The following NAA11 variants were observed in gnomAD, a reference collection of about 807,000 sequenced individuals.
NAA11 encodes the protein N-alpha-acetyltransferase 11.
Under a neutral mutation model 16.1 loss-of-function variants are expected in NAA11, and 15 were observed. That is an observed-to-expected ratio of 0.93 (90% CI 0.62 to 1.44). NAA11 has a LOEUF of 1.44. Among genes scored for constraint, NAA11 ranks in the 40% most tolerant of loss-of-function variants. The probability of loss-of-function intolerance (pLI) is 0.00; values close to 1 mark genes in which losing one functional copy is unlikely to be tolerated. For missense variants in NAA11, 298 were observed against 291.3 expected (o/e 1.02, Z -0.17); for synonymous variants, 122 against 112.4 (o/e 1.09, Z -0.54).
intron 2 of NAA11, among the ~76,000 whole-genome samples, chr4:79,235,184 GCTGA>G (rs1721546583): frequency 6.6e-6 from 1 of 152,040 alleles, no homozygotes; most frequent in African/African-American, 2.4e-5. Flanking sequence ...CTAAACACTT[GCTGA>G]CTGTCAAAAA....
At chr4:79,164,804 T>G in the NAA11 span, among the ~76,000 whole-genome samples, 1 of 152,070 alleles carries the variant, frequency 6.6e-6, no homozygotes, top group Non-Finnish European at 1.5e-5. Context: ...AGGGAAAGAG[T>G]ATAATGTGTG....
the NAA11 span, among the ~76,000 whole-genome samples, chr4:79,202,623 T>TA: frequency 3.8e-5 from 2 of 52,622 alleles, no homozygotes; most frequent in African/African-American, 9.1e-5. Context: ...ATATATAGTT[T>TA]TATATATATA....
chr4:79,299,816 A>G (rs1205499330), intron 1 of NAA11, among the ~76,000 whole-genome samples: 1 of 152,244 alleles, frequency 6.6e-6, no homozygotes, highest in Non-Finnish European at 1.5e-5. Flanking sequence ...CATATTGCAG[A>G]TACCAGGACA....
chr4:79,283,998 AGTGAT>A (rs1345880811), intron 2 of NAA11, among the ~76,000 whole-genome samples: 1 of 148,608 alleles, frequency 6.7e-6, no homozygotes, highest in African/African-American at 2.6e-5. Flanking sequence ...GAATGAATGA[AGTGAT>A]TGAGGAACTT....
chr4:79,188,503 T>A, the NAA11 span, among the ~76,000 whole-genome samples: 1 of 149,928 alleles, frequency 6.7e-6, no homozygotes, highest in Non-Finnish European at 1.5e-5. Context: ...GAGAATGGCG[T>A]GAAGCTGAGG....
intron 2 of NAA11, among the ~76,000 whole-genome samples, chr4:79,268,034 T>A (rs1170115894): frequency 8.5e-6 from 1 of 118,254 alleles, no homozygotes; most frequent in East Asian, 2.0e-4. Flanking sequence ...AGCAACTTTG[T>A]CATGTTTATT....
chr4:79,277,529 A>C (rs1722682540), intron 2 of NAA11, among the ~76,000 whole-genome samples: 1 of 152,122 alleles, frequency 6.6e-6, no homozygotes, highest in Non-Finnish European at 1.5e-5. Flanking sequence ...TTAATATGTC[A>C]TTATGTTCAA....
chr4:79,187,134 G>T, the NAA11 span, among the ~76,000 whole-genome samples: 1 of 152,050 alleles, frequency 6.6e-6, no homozygotes, highest in Non-Finnish European at 1.5e-5. Flanking sequence ...AAATAGGTTT[G>T]CATTTTCTCA....
chr4:79,191,590 C>G, the NAA11 span, among the ~76,000 whole-genome samples: 1 of 152,050 alleles, frequency 6.6e-6, no homozygotes, highest in East Asian at 1.9e-4. Context: ...AGACCATTCT[C>G]AGATACGTAT....
chr4:79,179,359 G>C, the NAA11 span, among the ~76,000 whole-genome samples: 14 of 152,046 alleles, frequency 9.2e-5, no homozygotes, highest in African/African-American at 3.4e-4. Context: ...ATTTTAATAA[G>C]ATATGGTAAA....
intron 2 of NAA11, chr4:79,258,869 C>G (rs1722186162): frequency 5.7e-6 from 1 of 174,062 alleles, no homozygotes; most frequent in Admixed American, 5.9e-5. Context: ...CAGAACTAAG[C>G]AGATATCTGG....
intron 2 of NAA11, chr4:79,258,711 G>A (rs1038413244): frequency 6.6e-6 from 1 of 152,300 alleles, no homozygotes; most frequent in Non-Finnish European, 1.5e-5. Flanking sequence ...TCAGGCCATG[G>A]AGGGCCTGAA....
the NAA11 span, among the ~76,000 whole-genome samples, chr4:79,182,856 T>C: frequency 1.3e-5 from 2 of 152,132 alleles, no homozygotes; most frequent in African/African-American, 2.4e-5. Context: ...TTTTATTCAA[T>C]ATTTTGGATT....
the NAA11 span, among the ~76,000 whole-genome samples, chr4:79,164,393 T>C: frequency 6.6e-6 from 1 of 152,202 alleles, no homozygotes; most frequent in Admixed American, 6.5e-5. Context: ...GGATTCATGC[T>C]CCTTCAAAAT....
Position 79,249,440 on chromosome 4 carries a change from T to C in NAA11, c.*123-23170A>G, listed in dbSNP as rs1309610538. The stretch of plus-strand genomic sequence containing the variant: ...AAGAACCAAACTCATCTGATAGATT[T>C]AAAACTCACTTTGAGAATTTCAGAA... On this transcript the variant is annotated intron_variant and NMD_transcript_variant, in intron 2 of 2. Transcript: ENST00000511542. 2.0e-5 allele frequency among the ~76,000 whole-genome samples: 3 copies of C among 152,248 alleles called. No homozygotes were observed. The East Asian group carries it at 5.8e-4, about 29-fold the overall frequency.
chr4:79,189,947 G>T, the NAA11 span, among the ~76,000 whole-genome samples: 1 of 152,214 alleles, frequency 6.6e-6, no homozygotes, highest in Admixed American at 6.5e-5. Flanking sequence ...GACCAGAAAA[G>T]TGTGGAAGGC....
At chr4:79,305,103 A>T (rs1723535428) in intron 1 of NAA11, 1 of 152,126 alleles carries the variant, frequency 6.6e-6, no homozygotes. Flanking sequence ...CTTTCTCAGG[A>T]TGTTCTTTGG....
At chr4:79,205,834 T>A in the NAA11 span, among the ~76,000 whole-genome samples, 1 of 151,982 alleles carries the variant, frequency 6.6e-6, no homozygotes, top group Non-Finnish European at 1.5e-5. Context: ...CATGTGGCTA[T>A]CAAATTTTTC....
At chr4:79,314,641 T>TAAAAAAAAAAA (rs375245497), downstream of NAA11, among the ~76,000 whole-genome samples, 57 of 98,056 alleles carry the variant, frequency 5.8e-4, 4 homozygotes, top group African/African-American at 2.2e-3. Flanking sequence ...TCCTTAAAAT[T>TAAAAAAAAAAA]AAAAAAAAAA....
Sources: gnomAD v4.1 joint callset for allele counts (sites outside exome capture counted in the v4.1 genomes callset) on GRCh38, gnomAD v4.1.1 for gene constraint, MANE v1.5 for transcripts, NCBI Gene and HGNC (gene_info 2026-07-23, HGNC 2026-07-21) for gene names.